Variants in ITGA2 observed in about 807,000 individuals in gnomAD.
ITGA2 encodes integrin subunit alpha 2, also known as integrin alpha-2.
ITGA2 carries 101 observed loss-of-function variants against 146.3 expected under a neutral mutation model. The observed-to-expected ratio is 0.69, with a 90% CI of 0.59 to 0.81. The LOEUF (loss-of-function observed/expected upper bound fraction) is 0.81, where lower values mean the gene tolerates loss of function less well. Ranked by LOEUF, ITGA2 falls within the 40% of genes least tolerant of loss-of-function variation. ITGA2 has a pLI of 0.00. For missense variants in ITGA2, 1,281 were observed against 1,402.7 expected (o/e 0.91, Z 1.39); for synonymous variants, 477 against 487.1 (o/e 0.98, Z 0.27).
intron 2 of ITGA2, among the ~76,000 whole-genome samples, chr5:53,032,905 T>A (rs1743290725): frequency 6.6e-6 from 1 of 152,118 alleles, no homozygotes; most frequent in Non-Finnish European, 1.5e-5. Context: ...ACACAACTTC[T>A]CTGGAGCAGA....
At chr5:53,077,748 A>T (rs1561149512) in intron 23 of ITGA2, among the ~76,000 whole-genome samples, 1 of 152,064 alleles carries the variant, frequency 6.6e-6, no homozygotes, top group Non-Finnish European at 1.5e-5. Context: ...TTTTCCTTTT[A>T]AGGATATGGA....
intron 16 of ITGA2, among the ~76,000 whole-genome samples, chr5:53,067,915 CT>C (rs1052330672): frequency 6.6e-5 from 10 of 151,872 alleles, no homozygotes; most frequent in African/African-American, 2.4e-4. Flanking sequence ...CTCTTCAAAG[CT>C]TTTTCTAAGC....
Position 53,090,022 on chromosome 5 carries a change from G to A in ITGA2, c.3425G>A (p.Gly1142Glu). The A allele has an allele frequency of 1.9e-6, 3 of 1,613,244 alleles. No individual in the cohort carries two copies. Among genetic ancestry groups the A allele is most frequent in the Non-Finnish European group, 2.5e-6 (3 of 1,179,242 alleles). Reference sequence around the variant, plus strand: ...GTTATAATAGGAAGTATAATTGCTGGAATCCTTTTGCTGTTAGCTCTGGTT... The same window carrying A: ...GTTATAATAGGAAGTATAATTGCTGAAATCCTTTTGCTGTTAGCTCTGGTT... ...TGVIIGSIIA[G>E]ILLLLALVAI... The change falls in exon 29 of 30, where the codon GGA (glycine) becomes GAA (glutamate). Residue 1142 changes from glycine (G) to glutamate (E), a missense_variant. By Grantham distance (98) the Gly-to-Glu change is moderately conservative (BLOSUM62 -2). Around this residue, in one of 3 missense-constraint regions of ITGA2, gnomAD observed 475 missense variants for 530.5 expected, o/e 0.90. Transcript: ENST00000296585.
At chr5:53,054,800 G>C (rs760109289) in intron 7 of ITGA2, among the ~76,000 whole-genome samples, 1 of 152,000 alleles carries the variant, frequency 6.6e-6, no homozygotes, top group Non-Finnish European at 1.5e-5. Flanking sequence ...GGTGGGAAGC[G>C]GGTGAGGGAT....
chr5:53,087,888 C>A (rs3212640), intron 28 of ITGA2, among the ~76,000 whole-genome samples: 1 of 151,998 alleles, frequency 6.6e-6, no homozygotes, highest in African/African-American at 2.4e-5. Flanking sequence ...TCAGTCCACT[C>A]CTCTGGCTTG....
chr5:53,023,785 C>T (rs868383304), intron 1 of ITGA2, among the ~76,000 whole-genome samples: 2 of 152,258 alleles, frequency 1.3e-5, no homozygotes, highest in Admixed American at 6.5e-5. Context: ...AGAAGAAATA[C>T]ATGTTGAATT....
rs765857099 is a variant in ITGA2, at chr5:53,064,995, A to G, written c.1686A>G (p.Ser562=). ...TTGGTTCAGCAATTGCAGCTCTTTCAGACATCAACATGGATGGCTTTAATG... is the reference window on the plus strand; with the variant it reads ...TTGGTTCAGCAATTGCAGCTCTTTCGGACATCAACATGGATGGCTTTAATG... ...TRFGSAIAAL[S]DINMDGFNDV... Residue 562 remains serine (S), a synonymous_variant, in exon 14 of 30, where the codon TCA becomes TCG. Coordinates refer to ENST00000296585, the MANE Select transcript of ITGA2 (RefSeq NM_002203.4). 6.2e-7 allele frequency: 1 copy of G among 1,612,946 alleles called. No individual in the cohort carries two copies. The highest frequency in any genetic ancestry group is 1.1e-5 in the South Asian group (1 of 91,076).
At chr5:53,018,558 G>C (rs1261834963) in intron 1 of ITGA2, among the ~76,000 whole-genome samples, 1 of 151,828 alleles carries the variant, frequency 6.6e-6, no homozygotes, top group Non-Finnish European at 1.5e-5. Flanking sequence ...GCAAAGACCT[G>C]TTCAGAGTGT....
At chr5:53,038,426 T>C (rs1039509425) in intron 2 of ITGA2, among the ~76,000 whole-genome samples, 2 of 152,150 alleles carry the variant, frequency 1.3e-5, no homozygotes, top group African/African-American at 4.8e-5. Flanking sequence ...CTACCTGCCA[T>C]TGAGAACAGT....
intron 1 of ITGA2, among the ~76,000 whole-genome samples, chr5:52,995,567 G>A (rs58231501): frequency 0.11 from 17,212 of 152,206 alleles, 1,400 homozygotes; most frequent in East Asian, 0.37. Context: ...TTGATTTTGT[G>A]CCATTCACTG....
chr5:53,072,575 C>A, intron 18 of ITGA2, 38 bp from the exon 19 acceptor site: 1 of 1,517,914 alleles, frequency 6.6e-7, no homozygotes, highest in Non-Finnish European at 9.1e-7. Flanking sequence ...TTTTTCAACC[C>A]AAGAGCAAAT....
intron 1 of ITGA2, among the ~76,000 whole-genome samples, chr5:52,992,910 A>C (rs1317075691): frequency 2.0e-5 from 3 of 152,188 alleles, no homozygotes; most frequent in East Asian, 1.9e-4. Flanking sequence ...CACACACACC[A>C]CACACATGCC....
intron 26 of ITGA2, 33 bp from the exon 27 acceptor site, chr5:53,083,307 C>T (rs1448669691): frequency 7.6e-7 from 1 of 1,319,276 alleles, no homozygotes; most frequent in Non-Finnish European, 1.1e-6. Flanking sequence ...TACTAACTTG[C>T]TCTCTCTTTT....
chr5:52,990,112 CT>C (rs1030941169), intron 1 of ITGA2: 1 of 155,960 alleles, frequency 6.4e-6, no homozygotes, highest in African/African-American at 2.4e-5. Context: ...CGCTGTGTTT[CT>C]TCCCGGGGGG....
At chr5:53,038,219 A>C (rs1275440396) in intron 2 of ITGA2, among the ~76,000 whole-genome samples, 1 of 152,048 alleles carries the variant, frequency 6.6e-6, no homozygotes, top group Non-Finnish European at 1.5e-5. Flanking sequence ...AAAAAAAAAA[A>C]AAACAGTTAA....
chr5:53,020,805 C>A (rs1161290067), intron 1 of ITGA2, among the ~76,000 whole-genome samples: 1 of 151,528 alleles, frequency 6.6e-6, no homozygotes, highest in Non-Finnish European at 1.5e-5. Flanking sequence ...CCTCAGCCTC[C>A]CGAGTAGCTG....
intron 6 of ITGA2, among the ~76,000 whole-genome samples, chr5:53,049,187 T>C (rs1440521305): frequency 6.6e-6 from 1 of 152,056 alleles, no homozygotes; most frequent in Non-Finnish European, 1.5e-5. Context: ...AATTTTTGTA[T>C]TTTTAGTAGA....
At chr5:53,056,826 GA>G (rs1004713860) in intron 9 of ITGA2, among the ~76,000 whole-genome samples, 1 of 145,188 alleles carries the variant, frequency 6.9e-6, no homozygotes, top group Non-Finnish European at 1.5e-5. Context: ...TTGGTTAAAA[GA>G]AAAAAAAAAC....
At chr5:53,041,965 C>T in intron 2 of ITGA2, 147 bp from the exon 3 acceptor site, 1 of 646,368 alleles carries the variant, frequency 1.5e-6, no homozygotes. Context: ...ATCAGCTAAG[C>T]AGAAAGGCAG....
Sources: allele counts gnomAD v4.1 joint callset (sites outside exome capture counted in the v4.1 genomes callset), GRCh38; gene constraint gnomAD v4.1.1; regional missense constraint gnomAD v4.1.1; transcripts MANE v1.5; gene names NCBI Gene and HGNC (gene_info 2026-07-23, HGNC 2026-07-21).